The following RBM34 variants were observed in gnomAD, a reference collection of about 807,000 sequenced individuals.
RBM34 encodes RNA binding motif protein 34, also known as RNA-binding protein 34.
RBM34 carries 39 observed loss-of-function variants against 44.6 expected under a neutral mutation model. The ratio of observed to expected loss-of-function variants is 0.87; its 90% confidence interval spans 0.68 to 1.14. The LOEUF (loss-of-function observed/expected upper bound fraction) is 1.14, where lower values mean the gene tolerates loss of function less well. Ranked by LOEUF, RBM34 falls within the 50% of genes most tolerant of loss-of-function variation. RBM34 has a pLI of 0.00. For missense variants in RBM34, 572 were observed against 517.9 expected, an observed-to-expected ratio of 1.10 and a Z score of -1.01; for synonymous variants, 194 against 184.0, an observed-to-expected ratio of 1.05 and a Z score of -0.44.
At chr1:235,160,818 C>A (rs994370017) in intron 2 of RBM34, 75 bp downstream of exon 2, 9 of 1,562,288 alleles carry the variant, frequency 5.8e-6, no homozygotes, top group Middle Eastern at 1.7e-4. Context: ...TCACGCTTCA[C>A]GCGGTAGGTA....
intron 10 of RBM34, 126 bp downstream of exon 10, chr1:235,135,526 G>A: frequency 1.2e-6 from 1 of 850,920 alleles, no homozygotes; most frequent in Non-Finnish European, 2.0e-6. Context: ...ACTGCACCTA[G>A]CCCAGTTTTC....
At chr1:235,155,166 G>GT (rs1277573720) in intron 3 of RBM34, 54 bp from the exon 4 acceptor site, 3 of 1,430,898 alleles carry the variant, frequency 2.1e-6, no homozygotes, top group Non-Finnish European at 9.7e-7. Context: ...GTTAGGTCTA[G>GT]TATTTGACAA....
intron 4 of RBM34, among the ~76,000 whole-genome samples, chr1:235,154,603 A>G (rs1662315266): frequency 6.6e-6 from 1 of 152,090 alleles, no homozygotes; most frequent in Non-Finnish European, 1.5e-5. Flanking sequence ...AAACATATGG[A>G]GCTTACTTTC....
At position 235,142,926 on chromosome 1, in the gene RBM34, CAAAAAAA is replaced by C. The variant is rs34015202; in HGVS notation, c.702-4759_702-4753del. On this transcript the variant is annotated intron_variant, in intron 6 of 10. Transcript: ENST00000408888. ...CTGGTGACAGAGCAAGGATCCATCT[CAAAAAAA>C]AAAAAAAAAAAAAAGACACCTCTAA... Among the ~76,000 whole-genome samples the C allele has an allele frequency of 2.7e-4, 18 of 66,220 alleles. No homozygotes were observed. In the East Asian group the frequency reaches 6.4e-3, roughly 24 times the overall value. The allele number at this position is 66,220 out of a possible 152,430, so 43.4% of individuals were successfully genotyped here.
intron 6 of RBM34, among the ~76,000 whole-genome samples, chr1:235,140,924 T>C (rs1003950452): frequency 1.3e-5 from 2 of 152,058 alleles, no homozygotes; most frequent in Non-Finnish European, 2.9e-5. Context: ...TCAGGGATTG[T>C]AAATACACCA....
In RBM34 at chr1:235,142,797, G is replaced by A. The variant is rs543704091; in HGVS notation, c.702-4623C>T. 1.1e-4 allele frequency among the ~76,000 whole-genome samples: 16 copies of A among 151,238 alleles called. No homozygotes were observed. In the East Asian group the frequency reaches 2.0e-3, roughly 19 times the overall value. ...ACAAAAATGACCCGAGTGTGGTGGC[G>A]CACGCTTGTAATCCCAGCTACCTGA... On this transcript the variant is annotated intron_variant, in intron 6 of 10. Transcript: ENST00000408888.
intron 10 of RBM34, among the ~76,000 whole-genome samples, chr1:235,133,502 T>C (rs1661296560): frequency 6.6e-6 from 1 of 152,138 alleles, no homozygotes; most frequent in Non-Finnish European, 1.5e-5. Flanking sequence ...GATGTAAATA[T>C]AATTTAAGTT....
At chr1:235,138,213 A>G (rs1253851719) in intron 6 of RBM34, 39 bp from the exon 7 acceptor site, 1 of 1,518,580 alleles carries the variant, frequency 6.6e-7, no homozygotes, top group Non-Finnish European at 8.9e-7. Context: ...GAAAAGAGAG[A>G]CAAGGTAAAT....
At chr1:235,155,607 C>A (rs952011227) in intron 3 of RBM34, among the ~76,000 whole-genome samples, 35 of 148,418 alleles carry the variant, frequency 2.4e-4, no homozygotes, top group Admixed American at 6.8e-5. Flanking sequence ...CGGGTTCAAG[C>A]GATTTTCCTG....
chr1:235,148,800 A>G (rs1285841845), intron 5 of RBM34, among the ~76,000 whole-genome samples: 7 of 151,994 alleles, frequency 4.6e-5, no homozygotes, highest in East Asian at 3.9e-4. Flanking sequence ...CGGTTTCATC[A>G]GGTTAGCCAG....
intron 3 of RBM34, among the ~76,000 whole-genome samples, chr1:235,159,199 C>A (rs1028021910): frequency 6.1e-5 from 9 of 147,986 alleles, no homozygotes; most frequent in African/African-American, 2.0e-4. Flanking sequence ...GGTGACAGAG[C>A]CAGACCTTGT....
chr1:235,148,506 T>C (rs1486947587), intron 5 of RBM34, 59 bp from the exon 6 acceptor site: 2 of 1,339,576 alleles, frequency 1.5e-6, no homozygotes, highest in Non-Finnish European at 2.1e-6. Flanking sequence ...CTCAAATTAA[T>C]ATTTTAAGTG....
rs1307668092 is a variant in RBM34 at position 235,161,243 on chromosome 1, C to T, written c.-17G>A. On this transcript the variant is annotated 5_prime_UTR_variant, in exon 1 of 11. Coordinates refer to ENST00000408888, the MANE Select transcript of RBM34 (RefSeq NM_015014.4). ...CAAGGCCATTCTTACTCCAAAGACT[C>T]CCAGACTGCAGCTGCGCGCCAGCTC... 1 of 1,613,442 alleles carries T rather than the reference C, an allele frequency of 6.2e-7. No individual in the cohort carries two copies. Among genetic ancestry groups the T allele is most frequent in the Non-Finnish European group, 8.5e-7 (1 of 1,179,806 alleles).
Position 235,148,388 on chromosome 1 carries a change from C to G in RBM34, c.701+16G>C, listed in dbSNP as rs923866615. On this transcript the variant is annotated intron_variant, in intron 6 of 10. Transcript: ENST00000408888. ...GAAAGTTTAAGGTGACTCCCTTTCT[C>G]TAATTATAAACTTACTTTATTGCTG... The G allele has an allele frequency of 6.4e-7, 1 of 1,573,566 alleles. No individual in the cohort carries two copies. Among genetic ancestry groups the G allele is most frequent in the African/African-American group, 1.4e-5 (1 of 73,188 alleles).
chr1:235,149,455 G>A (rs992065180), intron 5 of RBM34, among the ~76,000 whole-genome samples: 7 of 150,830 alleles, frequency 4.6e-5, no homozygotes, highest in South Asian at 2.1e-4. Context: ...ACATTTTATC[G>A]TGTATTCTAA....
At chr1:235,155,373 GCT>G (rs1662354657) in intron 3 of RBM34, among the ~76,000 whole-genome samples, 1 of 150,970 alleles carries the variant, frequency 6.6e-6, no homozygotes, top group Non-Finnish European at 1.5e-5. Context: ...ACAGGGTCTT[GCT>G]CTGTCACCCA....
At chr1:235,141,888 G>A (rs1661698150) in intron 6 of RBM34, among the ~76,000 whole-genome samples, 1 of 152,152 alleles carries the variant, frequency 6.6e-6, no homozygotes, top group African/African-American at 2.4e-5. Context: ...GACTCCCGAC[G>A]CACCACCTTA....
At chr1:235,137,818 G>A (rs1661489713) in intron 8 of RBM34, 59 bp downstream of exon 8, 1 of 1,345,066 alleles carries the variant, frequency 7.4e-7, no homozygotes, top group Non-Finnish European at 1.0e-6. Flanking sequence ...GAAAAGCCTG[G>A]AAGGAAACAT....
chr1:235,146,573 C>G (rs912917047), intron 6 of RBM34, among the ~76,000 whole-genome samples: 4 of 152,056 alleles, frequency 2.6e-5, no homozygotes, highest in Non-Finnish European at 5.9e-5. Flanking sequence ...AAACACTTGC[C>G]TAGGGTAGGG....
Sources: gnomAD v4.1 joint callset for allele counts (sites outside exome capture counted in the v4.1 genomes callset) on GRCh38, gnomAD v4.1.1 for gene constraint, MANE v1.5 for transcripts, NCBI Gene and HGNC (gene_info 2026-07-23, HGNC 2026-07-21) for gene names.